The following RERE variants were observed in gnomAD, a reference collection of about 807,000 sequenced individuals.
RERE encodes arginine-glutamic acid dipeptide repeats protein.
A neutral mutation model predicts 146.1 loss-of-function variants in RERE; 40 were observed. The observed-to-expected ratio is 0.27, with a 90% confidence interval of 0.21 to 0.36. The LOEUF is 0.36. Among genes scored for constraint, RERE ranks in the 10% least tolerant of loss-of-function variants. The probability of loss-of-function intolerance (pLI) is 1.00; values close to 1 mark genes in which losing one functional copy is unlikely to be tolerated. For synonymous variants in RERE, 1,003 were observed against 866.0 expected, an observed-to-expected ratio of 1.16 and a Z score of -2.78; for missense variants, 1,933 against 2,138.7, an observed-to-expected ratio of 0.90 and a Z score of 1.90.
At chr1:8,671,529 C>A (rs1638717873) in intron 1 of RERE, among the ~76,000 whole-genome samples, 1 of 152,146 alleles carries the variant, frequency 6.6e-6, no homozygotes, top group South Asian at 2.1e-4. Context: ...CACCAGCTGT[C>A]CAAATGACTT....
chr1:8,681,274 T>C (rs956863546), intron 1 of RERE, among the ~76,000 whole-genome samples: 2 of 152,294 alleles, frequency 1.3e-5, no homozygotes, highest in South Asian at 4.1e-4. Context: ...GAATAAATCA[T>C]AAGGATCTCA....
Position 8,356,369 on chromosome 1 carries a change from T to C in RERE, c.4340-123A>G. 8.7e-7 allele frequency: 1 copy of C among 1,148,052 alleles called. No individual in the cohort carries two copies. The highest frequency in any genetic ancestry group is 1.1e-6 in the Non-Finnish European group (1 of 869,608). 71.1% of individuals were successfully genotyped at this position (1,148,052 alleles called of 1,614,324 possible). A position where few individuals can be genotyped will look rare whatever the true frequency, so the allele number is the denominator to read the frequency against. Reference sequence around the variant, plus strand: ...ATGGCTCCTGGTCACCAGGGCTGGATGCACCACCTGGCTACAGGTGGCCCT... The same window carrying C: ...ATGGCTCCTGGTCACCAGGGCTGGACGCACCACCTGGCTACAGGTGGCCCT... On this transcript the variant is annotated intron_variant, in intron 20 of 22. Coordinates refer to ENST00000400908, the MANE Select transcript of RERE (RefSeq NM_001042681.2). This position sits in a 1 kb window ranked among gnomAD's most constrained non-coding sequence, Gnocchi z 5.2.
At chr1:8,628,048 C>T (rs1646995328) in intron 2 of RERE, among the ~76,000 whole-genome samples, 1 of 151,968 alleles carries the variant, frequency 6.6e-6, no homozygotes, top group South Asian at 2.1e-4. Flanking sequence ...ACCACTGTTA[C>T]TTTTCCTTAG....
intron 1 of RERE, among the ~76,000 whole-genome samples, chr1:8,770,717 C>T (rs183897342): frequency 1.3e-5 from 2 of 152,274 alleles, no homozygotes; most frequent in Non-Finnish European, 2.9e-5. Context: ...TAGAGGGTAA[C>T]TTGGCAATTT....
intron 4 of RERE, among the ~76,000 whole-genome samples, chr1:8,593,675 C>A (rs1049508826): frequency 1.3e-5 from 2 of 152,248 alleles, no homozygotes; most frequent in African/African-American, 4.8e-5. Context: ...CAGTGTCCCC[C>A]AATCCACTGC....
Position 8,817,276 on chromosome 1 carries a change from CGA to C in RERE, c.-263_-262del, listed in dbSNP as rs1641934414. 3.3e-5 allele frequency: 5 copies of C among 151,658 alleles called. No individual in the cohort carries two copies. Among genetic ancestry groups the C allele is most frequent in the East Asian group, 3.9e-4 (2 of 5,136 alleles). The allele number at this position is 151,658 out of a possible 1,614,324, so 9.4% of individuals were successfully genotyped here. On this transcript the variant is annotated 5_prime_UTR_variant, in exon 1 of 23. Coordinates refer to ENST00000400908, the MANE Select transcript of RERE (RefSeq NM_001042681.2). ...GCTGCGGGGCCGCGGGGCGCAGGGCCGAGAGGGGCGGCCCGCGGGGAGGCGAC... is the reference window on the plus strand; with the variant it reads ...GCTGCGGGGCCGCGGGGCGCAGGGCCGAGGGGCGGCCCGCGGGGAGGCGAC...
intron 11 of RERE, among the ~76,000 whole-genome samples, chr1:8,461,682 C>T (rs1486251150): frequency 1.3e-5 from 2 of 152,016 alleles, no homozygotes; most frequent in African/African-American, 4.8e-5. Context: ...GAAAGGCCTC[C>T]TATTGTGTGA....
chr1:8,801,457 T>C (rs1324106815), intron 1 of RERE, among the ~76,000 whole-genome samples: 1 of 151,954 alleles, frequency 6.6e-6, no homozygotes, highest in East Asian at 1.9e-4. Context: ...TTAGTAGAGA[T>C]GGGGTTTCTC....
At chr1:8,736,003 T>C (rs1301520073) in intron 1 of RERE, among the ~76,000 whole-genome samples, 1 of 152,240 alleles carries the variant, frequency 6.6e-6, no homozygotes, top group Non-Finnish European at 1.5e-5. Context: ...CCTTTTGTTG[T>C]AATATAAAAT....
intron 1 of RERE, among the ~76,000 whole-genome samples, chr1:8,710,804 C>T (rs1412410313): frequency 4.6e-5 from 7 of 152,070 alleles, no homozygotes; most frequent in African/African-American, 7.2e-5. Flanking sequence ...CGTGAGCCAC[C>T]GTGCCTGGCC....
intron 6 of RERE, among the ~76,000 whole-genome samples, chr1:8,553,164 T>C (rs997514095): frequency 1.4e-5 from 2 of 145,494 alleles, no homozygotes; most frequent in African/African-American, 5.2e-5. Context: ...CATCCACACA[T>C]GCGTGTGCGA....
intron 2 of RERE, among the ~76,000 whole-genome samples, chr1:8,630,506 G>A (rs995210599): frequency 6.6e-6 from 1 of 152,132 alleles, no homozygotes; most frequent in Non-Finnish European, 1.5e-5. Context: ...GAAATAACTC[G>A]ATTGCCAGGT....
chr1:8,583,594 G>A (rs1335975323), intron 4 of RERE, among the ~76,000 whole-genome samples: 1 of 152,134 alleles, frequency 6.6e-6, no homozygotes, highest in African/African-American at 2.4e-5. Context: ...TTCAAAACTG[G>A]CCCACCATAG....
intron 1 of RERE, among the ~76,000 whole-genome samples, chr1:8,758,935 T>C (rs1165225189): frequency 2.0e-5 from 3 of 152,172 alleles, no homozygotes. Context: ...CATCATGGTA[T>C]ACACAATAAA....
chr1:8,445,832 C>G (rs1368632086), intron 11 of RERE, among the ~76,000 whole-genome samples: 2 of 150,452 alleles, frequency 1.3e-5, no homozygotes, highest in African/African-American at 4.9e-5. Context: ...CCCGCCCCCA[C>G]CCCCCAACAG....
chr1:8,590,976 T>A (rs1298087227), intron 4 of RERE: 2 of 152,216 alleles, frequency 1.3e-5, no homozygotes, highest in African/African-American at 2.4e-5. Flanking sequence ...ACTGTATTAT[T>A]CCATCAGTGT....
At chr1:8,380,233 T>A (rs1642399146) in intron 12 of RERE, among the ~76,000 whole-genome samples, 1 of 152,182 alleles carries the variant, frequency 6.6e-6, no homozygotes, top group Non-Finnish European at 1.5e-5. Flanking sequence ...CTGCCTCTCT[T>A]GGCATGAGAA....
Position 8,677,300 on chromosome 1 carries a change from G to A in RERE, c.-144-20859C>T, listed in dbSNP as rs539375104. 2.7e-3 allele frequency among the ~76,000 whole-genome samples: 405 copies of A among 151,786 alleles called. 2 individuals are homozygous for A. The highest frequency in any genetic ancestry group is 9.1e-3 in the African/African-American group (375 of 41,362). ...CAAAATTAGCCAGGCGTGGTGGCAC[G>A]TGCCTGTAATCCCAGCTACTTGGGA... On this transcript the variant is annotated intron_variant, in intron 1 of 22. Coordinates refer to ENST00000400908, the MANE Select transcript of RERE (RefSeq NM_001042681.2).
chr1:8,781,316 G>A (rs1011283240), intron 1 of RERE, among the ~76,000 whole-genome samples: 1 of 150,148 alleles, frequency 6.7e-6, no homozygotes, highest in Admixed American at 6.7e-5. Flanking sequence ...AGATCATGCC[G>A]CTGTACTCCA....
Sources: allele counts gnomAD v4.1 joint callset (sites outside exome capture counted in the v4.1 genomes callset), GRCh38; gene constraint gnomAD v4.1.1; non-coding constraint Gnocchi (gnomAD v3.1); transcripts MANE v1.5; gene names NCBI Gene and HGNC (gene_info 2026-07-23, HGNC 2026-07-21).